The following MSI2 variants were observed in gnomAD, a reference collection of about 807,000 sequenced individuals.
MSI2 encodes musashi RNA binding protein 2.
MSI2 carries 17 observed loss-of-function variants against 45.6 expected under a neutral mutation model. The observed-to-expected ratio is 0.37, with a 90% CI of 0.26 to 0.56. MSI2 has a LOEUF of 0.56. Among genes scored for constraint, MSI2 ranks in the 20% least tolerant of loss-of-function variants. MSI2 has a pLI of 0.77. For missense variants in MSI2, 293 were observed against 444.2 expected, an observed-to-expected ratio of 0.66 and a Z score of 3.06; for synonymous variants, 156 against 158.2, an observed-to-expected ratio of 0.99 and a Z score of 0.11.
chr17:57,392,708 C>G (rs2083817190), intron 5 of MSI2, among the ~76,000 whole-genome samples: 1 of 151,940 alleles, frequency 6.6e-6, no homozygotes, highest in Admixed American at 6.6e-5. Context: ...ATTGTTATAC[C>G]TTTTTCCAGT....
At chr17:57,626,569 C>G (rs890600700) in intron 9 of MSI2, 1 of 152,416 alleles carries the variant, frequency 6.6e-6, no homozygotes, top group Admixed American at 6.5e-5. Context: ...AGAAACAATA[C>G]GCTTGTGGTG....
chr17:57,335,752 A>G (rs1028656401), intron 5 of MSI2, among the ~76,000 whole-genome samples: 2 of 152,214 alleles, frequency 1.3e-5, no homozygotes, highest in Non-Finnish European at 2.9e-5. Context: ...TATTTTAGGT[A>G]GGATTGTCAG....
intron 11 of MSI2, among the ~76,000 whole-genome samples, chr17:57,655,788 G>A (rs1911548722): frequency 6.6e-6 from 1 of 152,202 alleles, no homozygotes; most frequent in African/African-American, 2.4e-5. Context: ...CCAGCTTCCT[G>A]TTAGTACCAG....
At chr17:57,460,363 A>AAAAGG (rs2085202647) in intron 6 of MSI2, among the ~76,000 whole-genome samples, 1 of 151,850 alleles carries the variant, frequency 6.6e-6, no homozygotes, top group African/African-American at 2.4e-5. Flanking sequence ...GGGAAAGAGA[A>AAAAGG]AAAGGAAAGG....
intron 5 of MSI2, chr17:57,262,495 TATC>T (rs1907409096): frequency 6.4e-6 from 2 of 313,924 alleles, no homozygotes; most frequent in Non-Finnish European, 1.2e-5. Flanking sequence ...GCATTTCCAA[TATC>T]ATATCAGGAA....
chr17:57,280,344 G>A lies in MSI2; in HGVS notation c.312+18152G>A, dbSNP rs995343784. Among the ~76,000 whole-genome samples the A allele has an allele frequency of 6.6e-6, 1 of 152,196 alleles. No individual in the cohort carries two copies. Among genetic ancestry groups the A allele is most frequent in the Non-Finnish European group, 1.5e-5 (1 of 68,048 alleles). ...AAAAGTGGCTTGTGGGTACCCCAGG[G>A]GGCTGTGGGGGAATCAGTGAGTAAG... On this transcript the variant is annotated intron_variant, in intron 5 of 13. Transcript: ENST00000284073. The surrounding 1 kb of genome is among the most constrained non-coding windows in gnomAD (Gnocchi z 4.2).
At chr17:57,364,361 G>A (rs554568422) in intron 5 of MSI2, among the ~76,000 whole-genome samples, 20 of 152,256 alleles carry the variant, frequency 1.3e-4, no homozygotes, top group Non-Finnish European at 1.5e-5. Context: ...AATGCGCTTG[G>A]CTCCAACACA....
chr17:57,400,596 ATGGAGACAC>A (rs1310191421), intron 5 of MSI2, among the ~76,000 whole-genome samples: 1 of 152,112 alleles, frequency 6.6e-6, no homozygotes, highest in Non-Finnish European at 1.5e-5. Context: ...AGACAGGGAT[ATGGAGACAC>A]TGTTAGGGGG....
chr17:57,623,710 G>A (rs1377816897), intron 9 of MSI2, among the ~76,000 whole-genome samples: 1 of 152,168 alleles, frequency 6.6e-6, no homozygotes, highest in African/African-American at 2.4e-5. Context: ...GGAAGTGGTG[G>A]CTGGGTCATC....
intron 5 of MSI2, among the ~76,000 whole-genome samples, chr17:57,391,110 GTGTGTTCCTAAATCC>G (rs1466696431): frequency 6.6e-6 from 1 of 152,218 alleles, no homozygotes; most frequent in Non-Finnish European, 1.5e-5. Context: ...CACCAAGGTT[GTGTGTTCCTAAATCC>G]TGCAGCCTGT....
the MSI2 span, among the ~76,000 whole-genome samples, chr17:57,696,107 C>A: frequency 1.3e-5 from 2 of 151,522 alleles, no homozygotes; most frequent in Admixed American, 1.3e-4. Context: ...GTTCCTAACA[C>A]CCCCCCAAAA....
rs980210097 is a variant in MSI2 at position 57,257,006 on chromosome 17, C to G, written c.63-92C>G. On this transcript the variant is annotated intron_variant, in intron 1 of 13. Coordinates refer to ENST00000284073, the MANE Select transcript of MSI2 (RefSeq NM_138962.4). ...ACCTCCCGGCTCTCGCTCGCTCGCT[C>G]CCCCCCGCTTTCCTTTTAGCTTTTG... 5 of 1,570,896 alleles carry G rather than the reference C, an allele frequency of 3.2e-6. No homozygotes were observed. In the Admixed American group the frequency reaches 5.2e-5, roughly 16 times the overall value.
At chr17:57,283,801 T>C (rs1202135004) in intron 5 of MSI2, among the ~76,000 whole-genome samples, 1 of 152,066 alleles carries the variant, frequency 6.6e-6, no homozygotes, top group Non-Finnish European at 1.5e-5. Flanking sequence ...CCCGGAAGCG[T>C]GGTTCAGGTG....
intron 11 of MSI2, among the ~76,000 whole-genome samples, chr17:57,674,321 T>C (rs1257744026): frequency 6.6e-6 from 1 of 151,434 alleles, no homozygotes; most frequent in African/African-American, 2.4e-5. Context: ...TTTTTTGTCT[T>C]TTTTAAAAAA....
intron 5 of MSI2, among the ~76,000 whole-genome samples, chr17:57,291,608 A>C (rs748107787): frequency 6.6e-6 from 1 of 152,148 alleles, no homozygotes; most frequent in Non-Finnish European, 1.5e-5. Context: ...CCATTAGGGG[A>C]TGCTGAAAGA....
At chr17:57,577,880 G>A (rs1375648015) in intron 7 of MSI2, among the ~76,000 whole-genome samples, 1 of 152,158 alleles carries the variant, frequency 6.6e-6, no homozygotes. Context: ...GTTCACGGCA[G>A]GTCACTGGGT....
intron 6 of MSI2, among the ~76,000 whole-genome samples, chr17:57,457,456 G>A (rs146474846): frequency 0.014 from 2,167 of 152,218 alleles, 53 homozygotes; most frequent in African/African-American, 0.05. Flanking sequence ...GGTTAAGGTA[G>A]GTAATGATTC....
At chr17:57,534,440 G>A (rs773035883) in intron 7 of MSI2, among the ~76,000 whole-genome samples, 13 of 152,190 alleles carry the variant, frequency 8.5e-5, no homozygotes, top group Non-Finnish European at 1.5e-4. Context: ...CAGTCGGCAC[G>A]ATGGCTCACA....
At chr17:57,446,242 A>G (rs1598279356) in intron 6 of MSI2, among the ~76,000 whole-genome samples, 1 of 152,314 alleles carries the variant, frequency 6.6e-6, no homozygotes, top group East Asian at 1.9e-4. Flanking sequence ...GAGAACGCAC[A>G]GCCCATGCAG....
Sources: allele counts gnomAD v4.1 joint callset (sites outside exome capture counted in the v4.1 genomes callset), GRCh38; gene constraint gnomAD v4.1.1; non-coding constraint Gnocchi (gnomAD v3.1); transcripts MANE v1.5; gene names NCBI Gene and HGNC (gene_info 2026-07-23, HGNC 2026-07-21).